GLIS3: variants seen among roughly 807,000 people sequenced by gnomAD.
GLIS3 encodes the protein GLIS family zinc finger 3.
Under a neutral mutation model 78.6 loss-of-function variants are expected in GLIS3, and 53 were observed. The ratio of observed to expected loss-of-function variants is 0.67; its 90% CI spans 0.54 to 0.85. GLIS3 has a LOEUF of 0.85. Among genes scored for constraint, GLIS3 ranks in the 40% least tolerant of loss-of-function variants. The pLI is 0.00. For synonymous variants in GLIS3, 684 were observed against 509.9 expected, an observed-to-expected ratio of 1.34 and a Z score of -4.60; for missense variants, 1,703 against 1,231.1, an observed-to-expected ratio of 1.38 and a Z score of -5.74.
intron 2 of GLIS3, among the ~76,000 whole-genome samples, chr9:4,328,421 G>A (rs910333799): frequency 9.2e-5 from 14 of 152,212 alleles, no homozygotes; most frequent in African/African-American, 3.4e-4. Flanking sequence ...GGAGCACTAA[G>A]TGGAATCCAT....
intron 5 of GLIS3, among the ~76,000 whole-genome samples, chr9:3,934,520 C>T (rs1206865494): frequency 2.0e-5 from 3 of 151,944 alleles, no homozygotes; most frequent in Non-Finnish European, 4.4e-5. Context: ...AGCGATTCTC[C>T]TGCCTCAGCC....
At chr9:3,911,093 CTTCCTTTCTTCCTTCCTTCCTTCCTTCCT>C (rs1482842854) in intron 6 of GLIS3, among the ~76,000 whole-genome samples, 13 of 151,902 alleles carry the variant, frequency 8.6e-5, no homozygotes, top group Admixed American at 2.6e-4. Flanking sequence ...ATCCATCTTC[CTTCCTTTCTTCCTTCCTTCCTTCCTTCCT>C]TTCCTTTCTT....
intron 9 of GLIS3, among the ~76,000 whole-genome samples, chr9:3,849,194 G>A (rs1011132399): frequency 1.1e-4 from 16 of 152,212 alleles, no homozygotes; most frequent in African/African-American, 3.9e-4. Context: ...GAAGAGATGG[G>A]AAAACATGGG....
At chr9:4,079,022 C>T (rs1828320666) in intron 4 of GLIS3, among the ~76,000 whole-genome samples, 1 of 152,064 alleles carries the variant, frequency 6.6e-6, no homozygotes, top group Non-Finnish European at 1.5e-5. Context: ...CTAAATAGAA[C>T]CAAACTCTTC....
the GLIS3 span, among the ~76,000 whole-genome samples, chr9:4,384,903 G>A: frequency 6.6e-6 from 1 of 152,016 alleles, no homozygotes; most frequent in African/African-American, 2.4e-5. Context: ...AGACACTGTT[G>A]CACAACATTG....
At chr9:4,485,806 C>T in the GLIS3 span, among the ~76,000 whole-genome samples, 4 of 151,758 alleles carry the variant, frequency 2.6e-5, no homozygotes, top group Non-Finnish European at 4.4e-5. Flanking sequence ...CTGCGACCTC[C>T]GCCTCCCCAG....
the GLIS3 span, among the ~76,000 whole-genome samples, chr9:4,420,239 A>T: frequency 6.6e-5 from 10 of 152,222 alleles, no homozygotes; most frequent in Non-Finnish European, 1.5e-4. Flanking sequence ...CAATTTGAGA[A>T]TCAAGTCCAC....
At chr9:4,332,819 G>A (rs1369613651) in intron 2 of GLIS3, among the ~76,000 whole-genome samples, 8 of 152,120 alleles carry the variant, frequency 5.3e-5, no homozygotes, top group South Asian at 2.1e-4. Flanking sequence ...ATGTCAAAAC[G>A]TCTACTGGGT....
chr9:3,995,479 A>AACT (rs1189078497), intron 4 of GLIS3, among the ~76,000 whole-genome samples: 2 of 152,170 alleles, frequency 1.3e-5, no homozygotes, highest in Non-Finnish European at 2.9e-5. Flanking sequence ...AACACAGTGT[A>AACT]GAAAATAACT....
At chr9:4,096,009 C>CAAAAA (rs34499061) in intron 4 of GLIS3, among the ~76,000 whole-genome samples, 1 of 103,516 alleles carries the variant, frequency 9.7e-6, no homozygotes, top group Non-Finnish European at 2.0e-5. Context: ...GTAACCTATA[C>CAAAAA]AAAAAAAAAA....
intron 2 of GLIS3, among the ~76,000 whole-genome samples, chr9:4,137,784 G>T (rs1833506938): frequency 6.6e-6 from 1 of 152,184 alleles, no homozygotes; most frequent in Admixed American, 6.5e-5. Context: ...ACTGAAAGCT[G>T]CTCTGCTCCA....
At chr9:4,370,214 A>G in the GLIS3 span, among the ~76,000 whole-genome samples, 1 of 151,396 alleles carries the variant, frequency 6.6e-6, no homozygotes, top group South Asian at 2.1e-4. Context: ...CAACCAAAAA[A>G]CAAAAAACAA....
intron 6 of GLIS3, among the ~76,000 whole-genome samples, chr9:3,909,291 C>G (rs891976747): frequency 2.0e-5 from 3 of 152,140 alleles, no homozygotes; most frequent in Non-Finnish European, 4.4e-5. Flanking sequence ...AATTAATTTT[C>G]AGTTGAACCT....
intron 2 of GLIS3, among the ~76,000 whole-genome samples, chr9:4,202,990 AAGAAC>A (rs1156987675): frequency 2.0e-5 from 3 of 152,238 alleles, no homozygotes. Context: ...AATTAAACTA[AAGAAC>A]TTCTATACGG....
At chr9:4,270,886 GTGGTGTGTGTGT>G (rs1826437497) in intron 2 of GLIS3, among the ~76,000 whole-genome samples, 1 of 134,150 alleles carries the variant, frequency 7.5e-6, no homozygotes, top group African/African-American at 3.0e-5. Context: ...CTCAATCTGT[GTGGTGTGTGTGT>G]GTGTGTGTGT....
chr9:4,238,217 T>G (rs575015899), intron 2 of GLIS3, among the ~76,000 whole-genome samples: 1 of 152,104 alleles, frequency 6.6e-6, no homozygotes, highest in Non-Finnish European at 1.5e-5. Flanking sequence ...ACCGAAACAA[T>G]GTGGCTAAAA....
intron 4 of GLIS3, among the ~76,000 whole-genome samples, chr9:3,954,922 A>G (rs1013429828): frequency 1.3e-5 from 2 of 152,242 alleles, no homozygotes; most frequent in East Asian, 3.8e-4. Flanking sequence ...AAAATGCATG[A>G]CAATTCAGAC....
chr9:4,318,890 G>A (rs1563931169), intron 2 of GLIS3, among the ~76,000 whole-genome samples: 1 of 152,194 alleles, frequency 6.6e-6, no homozygotes, highest in Admixed American at 6.5e-5. Context: ...TGTACAGTGG[G>A]TTCATCAAAG....
At position 4,118,269 on chromosome 9, in the gene GLIS3, C is replaced by G. The variant is rs757644401; in HGVS notation, c.1209G>C (p.Leu403=). ...CCATGTGGTTGACCAGGCCTGGCTG[C>G]AGGCCGCCGTGCTCCAGCTGTTGCA... The part of the protein sequence containing the change: ...ERMQQLEHGG[L]QPGLVNHMVV... Residue 403 remains leucine (L), a synonymous_variant, in exon 4 of 11, where the codon CTG becomes CTC. Coordinates refer to ENST00000381971, the MANE Select transcript of GLIS3 (RefSeq NM_001042413.2). The surrounding 1 kb of genome is among the most constrained non-coding windows in gnomAD (Gnocchi z 4.7). 2.5e-6 allele frequency: 4 copies of G among 1,586,882 alleles called. No individual in the cohort carries two copies. The highest frequency in any genetic ancestry group is 1.3e-5 in the African/African-American group (1 of 74,570).
Sources: allele counts gnomAD v4.1 joint callset (sites outside exome capture counted in the v4.1 genomes callset), GRCh38; gene constraint gnomAD v4.1.1; non-coding constraint Gnocchi (gnomAD v3.1); transcripts MANE v1.5; gene names NCBI Gene and HGNC (gene_info 2026-07-23, HGNC 2026-07-21).